DOCK3: variants seen among roughly 807,000 people sequenced by gnomAD.
DOCK3 encodes dedicator of cytokinesis protein 3.
Under a neutral mutation model 265.6 loss-of-function variants are expected in DOCK3, and 60 were observed. That is an observed-to-expected ratio of 0.23 (90% CI 0.18 to 0.28). The LOEUF is 0.28. DOCK3 is among the 10% of genes least tolerant of loss of function. The pLI is 1.00. For missense variants in DOCK3, 1,981 were observed against 2,594.3 expected (o/e 0.76, Z 5.14); for synonymous variants, 881 against 938.0 (o/e 0.94, Z 1.11).
chr3:50,833,418 A>C (rs2107146651), intron 2 of DOCK3, among the ~76,000 whole-genome samples: 1 of 152,304 alleles, frequency 6.6e-6, no homozygotes. Flanking sequence ...AAAGTACAGC[A>C]AGAATAATTA....
At position 50,967,659 on chromosome 3, in the gene DOCK3, C is replaced by T. The variant is rs575430042; in HGVS notation, c.315+33582C>T. Among the ~76,000 whole-genome samples, 7 of 152,296 alleles carry T rather than the reference C, an allele frequency of 4.6e-5. No individual in the cohort carries two copies. The South Asian group carries it at 1.0e-3, about 23-fold the overall frequency. On this transcript the variant is annotated intron_variant, in intron 5 of 52. Coordinates refer to ENST00000266037, the MANE Select transcript of DOCK3 (RefSeq NM_004947.5). ...ATCATGGTGTCAGGGGAAGCAAATA[C>T]GTCCTTCTTCACATAATGGCAGGAA...
chr3:51,016,599 GATAT>G (rs1167864774), intron 5 of DOCK3, among the ~76,000 whole-genome samples: 1 of 69,146 alleles, frequency 1.4e-5, no homozygotes, highest in Non-Finnish European at 2.3e-5. Flanking sequence ...TATTATATAT[GATAT>G]ATATATTATA....
intron 5 of DOCK3, among the ~76,000 whole-genome samples, chr3:51,021,147 G>T (rs1454551852): frequency 6.6e-6 from 1 of 151,762 alleles, no homozygotes; most frequent in Non-Finnish European, 1.5e-5. Flanking sequence ...ATTTCCTTGA[G>T]CAGTGTTTTG....
chr3:50,725,948 C>G (rs770486280), intron 1 of DOCK3, among the ~76,000 whole-genome samples: 38 of 152,100 alleles, frequency 2.5e-4, no homozygotes, highest in Non-Finnish European at 2.5e-4. Context: ...CCAAGTGATT[C>G]TTACAGGGTA....
At chr3:51,056,378 A>C (rs2081201384) in intron 5 of DOCK3, among the ~76,000 whole-genome samples, 1 of 152,136 alleles carries the variant, frequency 6.6e-6, no homozygotes, top group Non-Finnish European at 1.5e-5. Flanking sequence ...CCTCCCGAGT[A>C]ACTGGGACTA....
At chr3:51,167,089 A>G (rs2086442490) in intron 12 of DOCK3, among the ~76,000 whole-genome samples, 1 of 152,156 alleles carries the variant, frequency 6.6e-6, no homozygotes. Flanking sequence ...TTACAGTTTT[A>G]GGTCTTATAT....
At chr3:50,957,192 G>A (rs2076754638) in intron 5 of DOCK3, among the ~76,000 whole-genome samples, 2 of 152,060 alleles carry the variant, frequency 1.3e-5, no homozygotes, top group African/African-American at 2.4e-5. Flanking sequence ...GTTTAATATT[G>A]TAAGAAAATT....
At chr3:51,109,707 T>C (rs2083434127) in intron 9 of DOCK3, among the ~76,000 whole-genome samples, 2 of 152,056 alleles carry the variant, frequency 1.3e-5, no homozygotes, top group African/African-American at 4.8e-5. Flanking sequence ...GAGGTCCAGG[T>C]GGACCACTGG....
intron 9 of DOCK3, among the ~76,000 whole-genome samples, chr3:51,111,800 G>A (rs537078435): frequency 1.3e-5 from 2 of 152,200 alleles, no homozygotes; most frequent in South Asian, 4.2e-4. Flanking sequence ...TAAAATTTTT[G>A]CAACCTGTGC....
At chr3:50,930,544 A>G (rs114439520) in intron 4 of DOCK3, among the ~76,000 whole-genome samples, 163 of 152,250 alleles carry the variant, frequency 1.1e-3, no homozygotes, top group African/African-American at 3.7e-3. Flanking sequence ...CCTGGGCCCC[A>G]GCCCAGGTCC....
At chr3:51,136,428 C>T (rs1261905238) in intron 9 of DOCK3, among the ~76,000 whole-genome samples, 6 of 151,854 alleles carry the variant, frequency 4.0e-5, no homozygotes, top group Non-Finnish European at 8.8e-5. Flanking sequence ...TTAGTAGAGA[C>T]GGGGTTTCAC....
intron 1 of DOCK3, among the ~76,000 whole-genome samples, chr3:50,757,186 T>TC (rs1350837481): frequency 2.7e-5 from 4 of 148,304 alleles, no homozygotes; most frequent in East Asian, 2.0e-4. Context: ...TTTTTTTTTT[T>TC]CTGAGACTGA....
chr3:50,981,617 A>T (rs1352057935), intron 5 of DOCK3, among the ~76,000 whole-genome samples: 3 of 152,202 alleles, frequency 2.0e-5, no homozygotes, highest in Non-Finnish European at 4.4e-5. Context: ...TATACATCTG[A>T]GTGATCCAGT....
intron 18 of DOCK3, 130 bp from the exon 19 acceptor site, chr3:51,229,382 C>T (rs1482621835): frequency 2.4e-5 from 12 of 501,640 alleles, no homozygotes; most frequent in African/African-American, 8.0e-5. Context: ...ATTCGGGAGG[C>T]GGAGGTTGCA....
At chr3:51,315,149 C>T (rs761474209) in intron 32 of DOCK3, 21 bp downstream of exon 32, 79 of 1,579,056 alleles carry the variant, frequency 5.0e-5, no homozygotes, top group Admixed American at 1.2e-4. Context: ...TGGCAGTGTT[C>T]GGGGTATTCT....
chr3:50,716,869 C>T (rs947640883), intron 1 of DOCK3, among the ~76,000 whole-genome samples: 5 of 151,940 alleles, frequency 3.3e-5, no homozygotes, highest in African/African-American at 1.2e-4. Flanking sequence ...CTTCCCTTGC[C>T]CATTCAGTTC....
At chr3:51,227,238 A>AT (rs751361335) in intron 15 of DOCK3, 45 bp from the exon 16 acceptor site, 12 of 1,601,186 alleles carry the variant, frequency 7.5e-6, no homozygotes, top group Non-Finnish European at 1.0e-5. Flanking sequence ...AAATCCAGAC[A>AT]TTCCTACCAG....
At chr3:50,779,991 G>A (rs2041831174) in intron 2 of DOCK3, among the ~76,000 whole-genome samples, 1 of 152,122 alleles carries the variant, frequency 6.6e-6, no homozygotes, top group Non-Finnish European at 1.5e-5. Context: ...ATATGGGAGT[G>A]GAGCTCTAAT....
At chr3:51,041,167 TATATATATA>T (rs1263770347) in intron 5 of DOCK3, among the ~76,000 whole-genome samples, 1 of 9,504 alleles carries the variant, frequency 1.1e-4, no homozygotes, top group East Asian at 5.4e-3. Flanking sequence ...AAAATGTATA[TATATATATA>T]TATATATATA....
Sources: allele counts gnomAD v4.1 joint callset (sites outside exome capture counted in the v4.1 genomes callset), GRCh38; gene constraint gnomAD v4.1.1; transcripts MANE v1.5; gene names NCBI Gene and HGNC (gene_info 2026-07-23, HGNC 2026-07-21).